Variants in PARM1 observed in about 807,000 individuals in gnomAD.
PARM1 encodes the protein WSC4, cell wall integrity and stress response component 4 homolog.
Under a neutral mutation model 24.6 loss-of-function variants are expected in PARM1, and 14 were observed. That is an observed-to-expected ratio of 0.57 (90% CI 0.38 to 0.89). The LOEUF (loss-of-function observed/expected upper bound fraction) is 0.89, where lower values mean the gene tolerates loss of function less well. Ranked by LOEUF, PARM1 falls within the 40% of genes least tolerant of loss-of-function variation. The pLI is 0.00. For synonymous variants in PARM1, 179 were observed against 156.6 expected, an observed-to-expected ratio of 1.14 and a Z score of -1.07; for missense variants, 362 against 380.4, an observed-to-expected ratio of 0.95 and a Z score of 0.40.
intron 1 of PARM1, among the ~76,000 whole-genome samples, chr4:74,950,525 A>C (rs1345466683): frequency 6.6e-6 from 1 of 152,220 alleles, no homozygotes; most frequent in African/African-American, 2.4e-5. Flanking sequence ...TTATATCTGC[A>C]AAGAGCTTAT....
In PARM1 at chr4:75,016,389, TC is replaced by T. The variant is rs574071954; in HGVS notation, c.769+3240del. On this transcript the variant is annotated intron_variant, in intron 2 of 3. Coordinates refer to ENST00000307428, the MANE Select transcript of PARM1 (RefSeq NM_015393.4). ...CCAGATCTAAGGGTAAATTCTTAGA[TC>T]TTTTTTTTGTTTGTTTATCATTTCA... is the stretch of plus-strand genomic sequence containing the variant. 2.3e-3 allele frequency among the ~76,000 whole-genome samples: 345 copies of T among 152,322 alleles called. 3 individuals are homozygous for T. Among genetic ancestry groups the T allele is most frequent in the African/African-American group, 7.9e-3 (328 of 41,570 alleles).
intron 1 of PARM1, among the ~76,000 whole-genome samples, chr4:74,935,139 A>T (rs1005683164): frequency 4.6e-5 from 7 of 151,888 alleles, no homozygotes; most frequent in African/African-American, 1.5e-4. Flanking sequence ...ACCCCCACGC[A>T]CTAATTAGGA....
chr4:74,971,614 T>C (rs1722039288), intron 1 of PARM1, among the ~76,000 whole-genome samples: 1 of 152,142 alleles, frequency 6.6e-6, no homozygotes, highest in African/African-American at 2.4e-5. Flanking sequence ...TGAAATACAG[T>C]CATGTTTTTG....
chr4:74,966,855 G>T (rs532662283), intron 1 of PARM1: 1 of 152,116 alleles, frequency 6.6e-6, no homozygotes, highest in Admixed American at 6.6e-5. Flanking sequence ...GGCATTACGG[G>T]TGTTGATGTT....
In PARM1 at chr4:74,977,309, T is replaced by C. The variant is rs1410707693; in HGVS notation, c.44-35116T>C. 2.0e-5 allele frequency among the ~76,000 whole-genome samples: 3 copies of C among 152,114 alleles called. No homozygotes were observed. The East Asian group carries it at 5.8e-4, about 29-fold the overall frequency. On this transcript the variant is annotated intron_variant, in intron 1 of 3. Coordinates refer to ENST00000307428, the MANE Select transcript of PARM1 (RefSeq NM_015393.4). ...AAAACACTACACAAAAACTTCACAA[T>C]GCAACCACAAGTATCAATAGCCAAA... is the stretch of plus-strand genomic sequence containing the variant.
chr4:75,017,605 G>A (rs543399494), intron 2 of PARM1, among the ~76,000 whole-genome samples: 3 of 151,722 alleles, frequency 2.0e-5, no homozygotes, highest in South Asian at 2.1e-4. Context: ...TCTTTTTATC[G>A]CTTAACCATT....
chr4:74,975,476 G>A (rs915123707), intron 1 of PARM1, among the ~76,000 whole-genome samples: 2 of 152,180 alleles, frequency 1.3e-5, no homozygotes, highest in Admixed American at 6.5e-5. Flanking sequence ...ACAAGGGAAG[G>A]CATATTCTTT....
intron 1 of PARM1, among the ~76,000 whole-genome samples, chr4:74,965,844 A>G (rs1444442068): frequency 6.6e-6 from 1 of 152,214 alleles, no homozygotes; most frequent in African/African-American, 2.4e-5. Flanking sequence ...ATCATTATAT[A>G]CCAGAGTAGA....
intron 1 of PARM1, among the ~76,000 whole-genome samples, chr4:74,943,736 G>A (rs192528951): frequency 1.8e-4 from 27 of 152,240 alleles, no homozygotes; most frequent in African/African-American, 6.0e-4. Flanking sequence ...CACCATTCGA[G>A]CATTTTTGAG....
intron 1 of PARM1, among the ~76,000 whole-genome samples, chr4:75,007,702 G>GC: frequency 6.6e-6 from 1 of 152,274 alleles, no homozygotes. Flanking sequence ...TGAAGCTTTA[G>GC]CCCCCAGTGT....
intron 1 of PARM1, among the ~76,000 whole-genome samples, chr4:75,009,327 C>G (rs1722827207): frequency 6.6e-6 from 1 of 152,212 alleles, no homozygotes; most frequent in Non-Finnish European, 1.5e-5. Context: ...AGCCAAGTGG[C>G]AAATGATGAT....
intron 1 of PARM1, chr4:74,967,191 A>G (rs2109992709): frequency 6.6e-6 from 1 of 152,308 alleles, no homozygotes; most frequent in South Asian, 2.1e-4. Context: ...TCAGGTAAGG[A>G]AGGCTTTGAA....
chr4:74,997,806 G>A (rs778519649), intron 1 of PARM1: 1 of 152,108 alleles, frequency 6.6e-6, no homozygotes, highest in African/African-American at 2.4e-5. Context: ...AGGGAACATA[G>A]GAATATATTA....
intron 1 of PARM1, among the ~76,000 whole-genome samples, chr4:75,008,448 C>A (rs752651008): frequency 2.0e-5 from 3 of 152,188 alleles, no homozygotes; most frequent in Non-Finnish European, 4.4e-5. Flanking sequence ...GTAATGATTT[C>A]TATGGTACAG....
At chr4:74,974,983 CA>C (rs987575816) in intron 1 of PARM1, among the ~76,000 whole-genome samples, 11 of 152,190 alleles carry the variant, frequency 7.2e-5, no homozygotes, top group African/African-American at 2.4e-4. Flanking sequence ...GAAATGTGGG[CA>C]AAAAATTTTT....
At chr4:74,971,676 T>A (rs879828857) in intron 1 of PARM1, among the ~76,000 whole-genome samples, 3 of 152,200 alleles carry the variant, frequency 2.0e-5, no homozygotes, top group Non-Finnish European at 2.9e-5. Context: ...GTGAGGCAAG[T>A]CCTCAGATCT....
intron 1 of PARM1, among the ~76,000 whole-genome samples, chr4:74,986,970 T>C (rs1470123320): frequency 6.6e-6 from 1 of 152,186 alleles, no homozygotes; most frequent in African/African-American, 2.4e-5. Context: ...CTTTCATTAA[T>C]CTCTCTTTGT....
chr4:75,012,602 C>T lies in PARM1; in HGVS notation c.221C>T (p.Thr74Ile). The T allele has an allele frequency of 6.2e-7, 1 of 1,613,998 alleles. No individual in the cohort carries two copies. The highest frequency in any genetic ancestry group is 1.6e-4 in the Middle Eastern group (1 of 6,062). Residue 74 changes from threonine (T) to isoleucine (I), a missense_variant, in exon 2 of 4, where the codon ACA (threonine) becomes ATA (isoleucine). Transcript: ENST00000307428. Reference sequence around the variant, plus strand: ...CTCCCAGTTACAGCATCAGCCCCAACATCTCTGCTTCCTAAGAACATTTCC... The same window carrying T: ...CTCCCAGTTACAGCATCAGCCCCAATATCTCTGCTTCCTAAGAACATTTCC... ...SVLPVTASAP[T>I]SLLPKNISIE...
chr4:74,949,533 C>G (rs1480829384), intron 1 of PARM1, among the ~76,000 whole-genome samples: 1 of 152,188 alleles, frequency 6.6e-6, no homozygotes. Flanking sequence ...AGGATGGTCT[C>G]GATCTCCTGA....
Sources: allele counts gnomAD v4.1 joint callset (sites outside exome capture counted in the v4.1 genomes callset), GRCh38; gene constraint gnomAD v4.1.1; transcripts MANE v1.5; gene names NCBI Gene and HGNC (gene_info 2026-07-23, HGNC 2026-07-21).